The following AK7 variants were observed in gnomAD, a reference collection of about 807,000 sequenced individuals.
AK7 encodes ATP-AMP transphosphorylase 7.
A neutral mutation model predicts 96.6 loss-of-function variants in AK7; 78 were observed. That is an observed-to-expected ratio of 0.81 (90% CI 0.67 to 0.97). The LOEUF is 0.97. Ranked by LOEUF, AK7 falls within the 50% of genes least tolerant of loss-of-function variation. The pLI is 0.00. For missense variants in AK7, 855 were observed against 887.9 expected, an observed-to-expected ratio of 0.96 and a Z score of 0.47; for synonymous variants, 302 against 317.2, an observed-to-expected ratio of 0.95 and a Z score of 0.51.
In AK7 at chr14:96,434,424, C is replaced by CTG. The variant is rs1323846048; in HGVS notation, c.610-3410_610-3409insGT. Among the ~76,000 whole-genome samples, 43 of 10,050 alleles carry CTG rather than the reference C, an allele frequency of 4.3e-3. No homozygotes were observed. In the East Asian group the frequency reaches 0.048, roughly 11 times the overall value. The allele number at this position is 10,050 out of a possible 152,430, so 6.6% of individuals were successfully genotyped here. On this transcript the variant is annotated intron_variant, in intron 5 of 17. Coordinates refer to ENST00000267584, the MANE Select transcript of AK7 (RefSeq NM_152327.5). ...ATATACAGTCTCTCTGTCTGTCTGTCTCTCTCTCTCTCTCTCTCTCTCTCT... is the reference window on the plus strand; with the variant it reads ...ATATACAGTCTCTCTGTCTGTCTGTCTGTCTCTCTCTCTCTCTCTCTCTCTCT...
At chr14:96,422,174 A>G (rs1279222594) in intron 5 of AK7, among the ~76,000 whole-genome samples, 1 of 152,228 alleles carries the variant, frequency 6.6e-6, no homozygotes, top group Non-Finnish European at 1.5e-5. Flanking sequence ...TCACATGGGG[A>G]TGAAGTAATT....
At chr14:96,436,154 G>C (rs1433544005) in intron 5 of AK7, among the ~76,000 whole-genome samples, 2 of 152,202 alleles carry the variant, frequency 1.3e-5, no homozygotes, top group African/African-American at 4.8e-5. Context: ...TGGGAAGGCA[G>C]TTAACAGGTG....
At chr14:96,446,432 A>G in intron 7 of AK7, 85 bp from the exon 8 acceptor site, 1 of 1,146,158 alleles carries the variant, frequency 8.7e-7, no homozygotes, top group Non-Finnish European at 1.3e-6. Context: ...ACGCCCAGCC[A>G]TGGGGGTGGT....
chr14:96,460,641 C>T (rs1363311941), intron 12 of AK7, among the ~76,000 whole-genome samples: 1 of 152,200 alleles, frequency 6.6e-6, no homozygotes, highest in African/African-American at 2.4e-5. Flanking sequence ...AGGTTGTCCT[C>T]TTCCCAGCTA....
chr14:96,486,052 G>C (rs1217180094), intron 16 of AK7, among the ~76,000 whole-genome samples: 2 of 152,180 alleles, frequency 1.3e-5, no homozygotes, highest in African/African-American at 4.8e-5. Flanking sequence ...CCAAAGTGCT[G>C]GGATTACAGG....
rs1252208897 is a variant in AK7, at chr14:96,456,531, G to C, written c.1227+56G>C. On this transcript the variant is annotated intron_variant, in intron 11 of 17. Transcript: ENST00000267584. ...TTAATTAATTACTGTATTGTTCTTAGGGTATAAAGATGTATATGATTCGAA... is the reference window on the plus strand; with the variant it reads ...TTAATTAATTACTGTATTGTTCTTACGGTATAAAGATGTATATGATTCGAA... The C allele has an allele frequency of 8.2e-6, 13 of 1,580,042 alleles. No individual in the cohort carries two copies. In the Middle Eastern group the frequency reaches 5.5e-4, roughly 67 times the overall value.
At position 96,433,410 on chromosome 14, in the gene AK7, T is replaced by G. The variant is rs531296248; in HGVS notation, c.610-4425T>G. The stretch of plus-strand genomic sequence containing the variant: ...CTCTAAACTTCTCTTCTCACTTCAT[T>G]TCATTAATCTGACCTTCAATCACTG... On this transcript the variant is annotated intron_variant, in intron 5 of 17. Transcript: ENST00000267584. Among the ~76,000 whole-genome samples, 4 of 152,296 alleles carry G rather than the reference T, an allele frequency of 2.6e-5. No individual in the cohort carries two copies. In the South Asian group the frequency reaches 8.3e-4, roughly 32 times the overall value.
At position 96,413,982 on chromosome 14, in the gene AK7, C is replaced by T. The variant is rs139536102; in HGVS notation, c.498+5041C>T. Among the ~76,000 whole-genome samples, 38 of 152,306 alleles carry T rather than the reference C, an allele frequency of 2.5e-4. No homozygotes were observed. In the East Asian group the frequency reaches 6.4e-3, roughly 26 times the overall value. ...AACTAGCCATGATGGTTCTATTCTT[C>T]TTGCCGATGATTGGCTAAGGGGTGG... On this transcript the variant is annotated intron_variant, in intron 4 of 17. Coordinates refer to ENST00000267584, the MANE Select transcript of AK7 (RefSeq NM_152327.5).
intron 12 of AK7, among the ~76,000 whole-genome samples, chr14:96,463,719 C>CAAAAAAAAAAAAA (rs35376666): frequency 1.2e-5 from 1 of 83,778 alleles, no homozygotes. Context: ...TACTCTGTCT[C>CAAAAAAAAAAAAA]AAAAAAAAAA....
At chr14:96,398,027 T>A (rs374779639) in intron 1 of AK7, 48 bp from the exon 2 acceptor site, 1 of 1,576,734 alleles carries the variant, frequency 6.3e-7, no homozygotes, top group Non-Finnish European at 8.6e-7. Context: ...ACTGGCCCCC[T>A]GACTCTAATT....
intron 9 of AK7, 134 bp from the exon 10 acceptor site, chr14:96,451,287 G>A: frequency 1.4e-6 from 1 of 713,392 alleles, no homozygotes; most frequent in Non-Finnish European, 2.1e-6. Context: ...TAAATACTCA[G>A]TGCTGGATTA....
At chr14:96,424,011 TG>T in intron 5 of AK7, 7 of 787,834 alleles carry the variant, frequency 8.9e-6, no homozygotes, top group Non-Finnish European at 1.4e-5. Flanking sequence ...CATCCGGGTC[TG>T]TCAAGACCCA....
chr14:96,443,178 T>G (rs1321832142), intron 7 of AK7, among the ~76,000 whole-genome samples: 1 of 152,250 alleles, frequency 6.6e-6, no homozygotes, highest in Non-Finnish European at 1.5e-5. Context: ...CCCGTCAACT[T>G]AAATTCTAGA....
intron 6 of AK7, among the ~76,000 whole-genome samples, chr14:96,439,653 G>C (rs1435901699): frequency 1.6e-5 from 2 of 121,686 alleles, no homozygotes; most frequent in Non-Finnish European, 3.2e-5. Flanking sequence ...GACAGAGCGA[G>C]ACTCCATCTC....
At chr14:96,447,278 A>G (rs1343571416) in intron 8 of AK7, among the ~76,000 whole-genome samples, 1 of 152,168 alleles carries the variant, frequency 6.6e-6, no homozygotes, top group African/African-American at 2.4e-5. Context: ...CCTACTGGCC[A>G]ATTCCAGGAG....
At position 96,398,114 on chromosome 14, in the gene AK7, A is replaced by G; in HGVS notation, c.145A>G (p.Ile49Val). Residue 49 changes from isoleucine (I) to valine (V), a missense_variant, in exon 2 of 18, where the codon ATT becomes GTT. Coordinates refer to ENST00000267584, the MANE Select transcript of AK7 (RefSeq NM_152327.5). ...NCVVGASLEEITEEEEEEDEN... is the reference protein window; with the variant it reads ...NCVVGASLEEVTEEEEEEDEN... ...TGTAGTTGGGGCTTCGCTTGAAGAA[A>G]TTACAGAGGAAGAGGAAGAGGAAGA... 1 of 1,614,148 alleles carries G rather than the reference A, an allele frequency of 6.2e-7. No homozygotes were observed. Among genetic ancestry groups the G allele is most frequent in the South Asian group, 1.1e-5 (1 of 91,088 alleles).
At chr14:96,444,489 A>G (rs1893122889) in intron 7 of AK7, among the ~76,000 whole-genome samples, 1 of 152,172 alleles carries the variant, frequency 6.6e-6, no homozygotes, top group South Asian at 2.1e-4. Context: ...CCAACAGACC[A>G]GACTGAAAAT....
intron 16 of AK7, 76 bp downstream of exon 16, chr14:96,483,295 A>C: frequency 1.4e-6 from 2 of 1,422,936 alleles, no homozygotes; most frequent in Non-Finnish European, 1.9e-6. Context: ...CATTTAGGCC[A>C]GTTCCACTTC....
At chr14:96,427,834 A>G (rs1244325092) in intron 5 of AK7, among the ~76,000 whole-genome samples, 1 of 152,092 alleles carries the variant, frequency 6.6e-6, no homozygotes, top group African/African-American at 2.4e-5. Flanking sequence ...CTGACTATAT[A>G]TATATATTTC....
Sources: allele counts gnomAD v4.1 joint callset (sites outside exome capture counted in the v4.1 genomes callset), GRCh38; gene constraint gnomAD v4.1.1; transcripts MANE v1.5; gene names NCBI Gene and HGNC (gene_info 2026-07-23, HGNC 2026-07-21).